ANKRD24: variants seen among roughly 807,000 people sequenced by gnomAD.
ANKRD24 encodes ankyrin repeat domain-containing protein 24.
Under a neutral mutation model 127.8 loss-of-function variants are expected in ANKRD24, and 109 were observed. The ratio of observed to expected loss-of-function variants is 0.85; its 90% confidence interval spans 0.73 to 1.00. The LOEUF (loss-of-function observed/expected upper bound fraction) is 1.00, where lower values mean the gene tolerates loss of function less well. ANKRD24 is among the 50% of genes least tolerant of loss of function. The pLI is 0.00. For missense variants in ANKRD24, 1,648 were observed against 1,570.2 expected (o/e 1.05, Z -0.84); for synonymous variants, 743 against 671.1 (o/e 1.11, Z -1.66).
At chr19:4,190,737 CA>C (rs1968341170) in intron 2 of ANKRD24, among the ~76,000 whole-genome samples, 1 of 152,140 alleles carries the variant, frequency 6.6e-6, no homozygotes, top group South Asian at 2.1e-4. Context: ...GACTCCGTCT[CA>C]AAAAACGAAC....
chr19:4,188,152 A>T (rs1310329936), intron 2 of ANKRD24, among the ~76,000 whole-genome samples: 2 of 151,882 alleles, frequency 1.3e-5, no homozygotes, highest in Admixed American at 6.6e-5. Flanking sequence ...ATCTCGGCTC[A>T]CTGCAACCTC....
chr19:4,217,334 T>C lies in ANKRD24; in HGVS notation c.2174T>C (p.Leu725Pro), dbSNP rs1340742731. 1 of 1,551,684 alleles carries C rather than the reference T, an allele frequency of 6.4e-7. No individual in the cohort carries two copies. Residue 725 changes from leucine to proline, a missense_variant, in exon 18 of 22, where the codon CTG becomes CCG. Leu to Pro is a moderately conservative substitution (Grantham distance 98). Coordinates refer to ENST00000318934, the MANE Select transcript of ANKRD24 (RefSeq NM_001393985.1). ...AEASEKLQVELETRIRGLEEA... is the reference protein window; with the variant it reads ...AEASEKLQVEPETRIRGLEEA... The stretch of plus-strand genomic sequence containing the variant: ...GCCTCGGAAAAGCTTCAAGTAGAGC[T>C]GGAGACCAGGATCCGTGGCTTGGAG...
chr19:4,221,808 T>C (rs1970456879), intron 19 of ANKRD24, among the ~76,000 whole-genome samples: 1 of 152,192 alleles, frequency 6.6e-6, no homozygotes, highest in Non-Finnish European at 1.5e-5. Flanking sequence ...CCTTGCACAC[T>C]GTGGACATAG....
intron 1 of ANKRD24, among the ~76,000 whole-genome samples, chr19:4,186,044 A>G (rs1418528155): frequency 6.6e-6 from 1 of 152,180 alleles, no homozygotes; most frequent in African/African-American, 2.4e-5. Context: ...GAGACCAGAA[A>G]AGGCTTGATC....
In ANKRD24 at chr19:4,199,612, G is replaced by T; in HGVS notation, c.37-71G>T. On this transcript the variant is annotated intron_variant, in intron 2 of 21. Transcript: ENST00000318934. The surrounding 1 kb of genome is among the most constrained non-coding windows in gnomAD (Gnocchi z 5.2). ...AACTGGGGTGATGGGCCTGGGGGCA[G>T]ATGCTGGGGGTCGCAGGCTTGGGGG... 6.8e-7 allele frequency: 1 copy of T among 1,467,824 alleles called. No individual in the cohort carries two copies. The highest frequency in any genetic ancestry group is 9.0e-7 in the Non-Finnish European group (1 of 1,115,354). The allele number at this position is 1,467,824 out of a possible 1,614,324, so 90.9% of individuals were successfully genotyped here. A position where few individuals can be genotyped will look rare whatever the true frequency, so the allele number is the denominator to read the frequency against.
chr19:4,193,617 C>G (rs1191391166), intron 2 of ANKRD24, among the ~76,000 whole-genome samples: 1 of 151,922 alleles, frequency 6.6e-6, no homozygotes, highest in Admixed American at 6.6e-5. Context: ...GCGAGCAGAT[C>G]ACCTGAGATC....
chr19:4,224,306 C>A, intron 21 of ANKRD24, 114 bp downstream of exon 21: 1 of 1,405,294 alleles, frequency 7.1e-7, no homozygotes, highest in Non-Finnish European at 9.8e-7. Flanking sequence ...AGGTTCGTGG[C>A]ATGTGGGAGC....
intron 15 of ANKRD24, among the ~76,000 whole-genome samples, 181 bp downstream of exon 15, chr19:4,212,879 T>A (rs1054541039): frequency 6.6e-6 from 1 of 152,294 alleles, no homozygotes. Context: ...ACGCCTGTCA[T>A]CCCAGCACTT....
intron 2 of ANKRD24, among the ~76,000 whole-genome samples, chr19:4,196,363 T>C (rs902239647): frequency 6.6e-6 from 1 of 151,660 alleles, no homozygotes; most frequent in Admixed American, 6.6e-5. Context: ...TTGTTTTAGT[T>C]TGTTTGTTTT....
chr19:4,186,744 G>C (rs1471472753), intron 2 of ANKRD24, among the ~76,000 whole-genome samples: 1 of 151,896 alleles, frequency 6.6e-6, no homozygotes. Flanking sequence ...CCACCTCCCC[G>C]TCCAATCTCC....
Position 4,217,163 on chromosome 19 carries a change from G to C in ANKRD24, c.2003G>C (p.Gly668Ala). The C allele has an allele frequency of 6.2e-7, 1 of 1,613,084 alleles. No individual in the cohort carries two copies. The highest frequency in any genetic ancestry group is 8.5e-7 in the Non-Finnish European group (1 of 1,179,558). The change falls in exon 18 of 22, where the codon GGG becomes GCG. Residue 668 changes from glycine to alanine, a missense_variant. Transcript: ENST00000318934. Reference protein sequence around the residue: ...GAGQAEPPVTGTTNMEATGSR... With the variant: ...GAGQAEPPVTATTNMEATGSR... ...GGGCAAGCAGAGCCCCCAGTCACAG[G>C]GACCACAAACATGGAGGCCACGGGC...
At chr19:4,220,063 C>G (rs373716498) in intron 19 of ANKRD24, among the ~76,000 whole-genome samples, 1 of 152,176 alleles carries the variant, frequency 6.6e-6, no homozygotes, top group East Asian at 1.9e-4. Flanking sequence ...ACTGCAACCT[C>G]TGGGTTCAAG....
chr19:4,193,834 C>CGGAAGGGAGGGAGGGG (rs754244147), intron 2 of ANKRD24, among the ~76,000 whole-genome samples: 1 of 78,350 alleles, frequency 1.3e-5, no homozygotes. Flanking sequence ...GAGACTCCGT[C>CGGAAGGGAGGGAGGGG]GGGAGGGAGG....
chr19:4,182,959 T>A (rs1438089007), intron 1 of ANKRD24, among the ~76,000 whole-genome samples: 2 of 54,230 alleles, frequency 3.7e-5, no homozygotes, highest in Non-Finnish European at 1.0e-4. Context: ...TACCTGAATA[T>A]CTCATTTGTG....
At position 4,210,249 on chromosome 19, in the gene ANKRD24, G is replaced by A. The variant is rs370412084; in HGVS notation, c.952-16G>A. 2.7e-4 allele frequency: 417 copies of A among 1,571,874 alleles called. No individual in the cohort carries two copies. Among genetic ancestry groups the A allele is most frequent in the Middle Eastern group, 1.0e-3 (6 of 5,978 alleles). Reference sequence around the variant, plus strand: ...CCTTAGGCCCCATCTAAAGGCCGTGGTGGGGAGGGGAACAGGATGATCGAG... The same window carrying A: ...CCTTAGGCCCCATCTAAAGGCCGTGATGGGGAGGGGAACAGGATGATCGAG... On this transcript the variant is annotated splice_polypyrimidine_tract_variant and intron_variant, in intron 12 of 21. Transcript: ENST00000318934.
At chr19:4,186,975 G>A (rs574651980) in intron 2 of ANKRD24, among the ~76,000 whole-genome samples, 11 of 152,298 alleles carry the variant, frequency 7.2e-5, no homozygotes, top group Admixed American at 7.2e-4. Context: ...ATAAATAAGT[G>A]ACAATGTGTA....
Position 4,218,014 on chromosome 19 carries a change from G to A in ANKRD24, c.2854G>A (p.Ala952Thr), listed in dbSNP as rs760051841. Residue 952 changes from alanine (A) to threonine (T), a missense_variant, in exon 18 of 22, where the codon GCG becomes ACG. By Grantham distance (58) the Ala-to-Thr change is moderately conservative. Transcript: ENST00000318934. ...GGGCAAGGAGGCCGCCCGGCTGCGC[G>A]CGGAGCTGGAGCGGGAGCGTGTGTG... The part of the protein sequence containing the change: ...ATGKEAARLR[A>T]ELERERVCSV... The A allele has an allele frequency of 5.8e-6, 9 of 1,549,028 alleles. No homozygotes were observed. Among genetic ancestry groups the A allele is most frequent in the Middle Eastern group, 1.9e-4 (1 of 5,326 alleles).
rs374063902 is a variant in ANKRD24 at position 4,216,936 on chromosome 19, A to G, written c.1776A>G (p.Thr592=). 112 of 1,610,630 alleles carry G rather than the reference A, an allele frequency of 7.0e-5. No individual in the cohort carries two copies. Among genetic ancestry groups the G allele is most frequent in the Middle Eastern group, 1.6e-4 (1 of 6,080 alleles). Residue 592 remains threonine (T), a synonymous_variant, in exon 18 of 22, where the codon ACA becomes ACG. Coordinates refer to ENST00000318934, the MANE Select transcript of ANKRD24 (RefSeq NM_001393985.1). ...CCGAGGCCACGGGAGCTGAGGCCACAGGAGCCAAGGTCACAGAAACAAAAC... is the reference window on the plus strand; with the variant it reads ...CCGAGGCCACGGGAGCTGAGGCCACGGGAGCCAAGGTCACAGAAACAAAAC... ...TGAEATGAEA[T]GAKVTETKPT...
In ANKRD24 at chr19:4,208,321, T is replaced by G. The variant is rs183541953; in HGVS notation, c.832+353T>G. On this transcript the variant is annotated intron_variant, in intron 10 of 21. Coordinates refer to ENST00000318934, the MANE Select transcript of ANKRD24 (RefSeq NM_001393985.1). Reference sequence around the variant, plus strand: ...GGGTTCAAGACCAGCTTGACCAACATGGTGAAACCCTGTCTCCACTAAAAA... The same window carrying G: ...GGGTTCAAGACCAGCTTGACCAACAGGGTGAAACCCTGTCTCCACTAAAAA... Among the ~76,000 whole-genome samples, 430 of 152,202 alleles carry G rather than the reference T, an allele frequency of 2.8e-3. 2 individuals carry two copies. Among genetic ancestry groups the G allele is most frequent in the South Asian group, 0.014 (68 of 4,826 alleles).
Sources: gnomAD v4.1 joint callset for allele counts (sites outside exome capture counted in the v4.1 genomes callset) on GRCh38, gnomAD v4.1.1 for gene constraint, Gnocchi (gnomAD v3.1) non-coding constraint, MANE v1.5 for transcripts, NCBI Gene and HGNC (gene_info 2026-07-23, HGNC 2026-07-21) for gene names.